The following NSMCE2 variants were observed in gnomAD, a reference collection of about 807,000 sequenced individuals.
NSMCE2 encodes the protein E3 SUMO-protein ligase NSE2.
In NSMCE2, 24 loss-of-function variants were observed where a neutral mutation model predicts 23.8. That is an observed-to-expected ratio of 1.01 (90% confidence interval 0.73 to 1.42). NSMCE2 has a LOEUF of 1.42. Ranked by LOEUF, NSMCE2 falls within the 40% of genes most tolerant of loss-of-function variation. NSMCE2 has a pLI of 0.00. For synonymous variants in NSMCE2, 92 were observed against 94.1 expected (o/e 0.98, Z 0.13); for missense variants, 284 against 296.5 (o/e 0.96, Z 0.31).
chr8:125,206,883 G>A (rs1824139110), intron 5 of NSMCE2, among the ~76,000 whole-genome samples: 1 of 150,502 alleles, frequency 6.6e-6, no homozygotes, highest in Non-Finnish European at 1.5e-5. Flanking sequence ...AGGGAAGAGA[G>A]AGCCTAGGGA....
rs1821620287 is a variant in NSMCE2, at chr8:125,161,382, G to A, written c.264+10105G>A. On this transcript the variant is annotated intron_variant, in intron 4 of 7. Coordinates refer to ENST00000287437, the MANE Select transcript of NSMCE2 (RefSeq NM_173685.4). ...ATCTTGGGTTAGAGTAATGCAGTCA[G>A]TTATGAATAGTTTTAAATTTAATGA... Among the ~76,000 whole-genome samples the A allele has an allele frequency of 2.6e-5, 4 of 152,268 alleles. No homozygotes were observed. In the South Asian group the frequency reaches 8.3e-4, roughly 32 times the overall value.
rs905062048 is a variant in NSMCE2, at chr8:125,268,467, G to C, written c.418+86211G>C. On this transcript the variant is annotated intron_variant, in intron 5 of 7. Transcript: ENST00000287437. ...TAACAACAACAACAACAAGCAAAAA[G>C]AACTATTTGGAGAATAAAGGAAAAG... Among the ~76,000 whole-genome samples, 4 of 152,100 alleles carry C rather than the reference G, an allele frequency of 2.6e-5. 1 individual carries two copies. In the South Asian group the frequency reaches 8.3e-4, roughly 32 times the overall value.
chr8:125,272,302 C>T (rs1827236155), intron 5 of NSMCE2, among the ~76,000 whole-genome samples: 1 of 152,020 alleles, frequency 6.6e-6, no homozygotes, highest in African/African-American at 2.4e-5. Flanking sequence ...GCTTGAGCCA[C>T]CGCGCCCGGC....
chr8:125,127,512 G>A (rs183855324), intron 3 of NSMCE2, among the ~76,000 whole-genome samples: 139 of 152,306 alleles, frequency 9.1e-4, no homozygotes, highest in African/African-American at 3.3e-3. Flanking sequence ...TAAAATAGGC[G>A]TTTAAACCAG....
At chr8:125,347,998 T>C (rs1812850079) in intron 5 of NSMCE2, among the ~76,000 whole-genome samples, 1 of 152,206 alleles carries the variant, frequency 6.6e-6, no homozygotes, top group African/African-American at 2.4e-5. Flanking sequence ...ATCAGCTCCT[T>C]AGAGAGGCTG....
At chr8:125,354,880 A>T (rs372138507) in intron 5 of NSMCE2, among the ~76,000 whole-genome samples, 8 of 152,182 alleles carry the variant, frequency 5.3e-5, no homozygotes, top group East Asian at 1.9e-4. Flanking sequence ...AATGCTCCAA[A>T]ATCCAAAACT....
chr8:125,333,095 C>G (rs1829936449), intron 5 of NSMCE2, among the ~76,000 whole-genome samples: 1 of 152,134 alleles, frequency 6.6e-6, no homozygotes, highest in Non-Finnish European at 1.5e-5. Flanking sequence ...ATAAAGGTGT[C>G]TTGGTCCCCA....
chr8:125,114,122 A>G (rs1425605127), intron 3 of NSMCE2, among the ~76,000 whole-genome samples: 1 of 152,126 alleles, frequency 6.6e-6, no homozygotes, highest in Non-Finnish European at 1.5e-5. Flanking sequence ...TGAAATTTAG[A>G]ATTGCAGCAT....
At chr8:125,110,759 GTTGTTTTT>G in intron 3 of NSMCE2, among the ~76,000 whole-genome samples, 1 of 58,130 alleles carries the variant, frequency 1.7e-5, no homozygotes, top group African/African-American at 7.3e-5. Flanking sequence ...TTTGGTTGTT[GTTGTTTTT>G]TTTTTTTTTT....
At chr8:125,201,067 G>A (rs899934160) in intron 5 of NSMCE2, among the ~76,000 whole-genome samples, 3 of 152,046 alleles carry the variant, frequency 2.0e-5, no homozygotes, top group South Asian at 2.1e-4. Context: ...TTAGTCATTC[G>A]TCTAACCTTT....
intron 5 of NSMCE2, among the ~76,000 whole-genome samples, chr8:125,328,316 TATA>T (rs761093119): frequency 5.3e-5 from 8 of 152,300 alleles, no homozygotes; most frequent in Non-Finnish European, 1.0e-4. Flanking sequence ...TGGAGCTAAG[TATA>T]ATAACTGTAG....
intron 5 of NSMCE2, among the ~76,000 whole-genome samples, chr8:125,262,780 A>G (rs1010390682): frequency 6.6e-6 from 1 of 152,064 alleles, no homozygotes; most frequent in South Asian, 2.1e-4. Context: ...CTGCAGTGGT[A>G]TTGCTCACTC....
chr8:125,256,682 T>G (rs1438433619), intron 5 of NSMCE2, among the ~76,000 whole-genome samples: 1 of 151,820 alleles, frequency 6.6e-6, no homozygotes, highest in Non-Finnish European at 1.5e-5. Context: ...TCCCAGCACT[T>G]TGGGAGGCCG....
At chr8:125,171,363 T>C (rs1586559209) in intron 4 of NSMCE2, among the ~76,000 whole-genome samples, 1 of 152,190 alleles carries the variant, frequency 6.6e-6, no homozygotes, top group East Asian at 1.9e-4. Flanking sequence ...CTAGGGTTAG[T>C]AGTATGTCAT....
At chr8:125,209,234 GA>G (rs1033894900) in intron 5 of NSMCE2, among the ~76,000 whole-genome samples, 3 of 151,760 alleles carry the variant, frequency 2.0e-5, no homozygotes, top group Non-Finnish European at 4.4e-5. Flanking sequence ...TGTATTGATT[GA>G]AAAAAAATAG....
At chr8:125,316,440 A>G (rs1829179768) in intron 5 of NSMCE2, among the ~76,000 whole-genome samples, 1 of 152,238 alleles carries the variant, frequency 6.6e-6, no homozygotes, top group South Asian at 2.1e-4. Flanking sequence ...TGTTTATGAC[A>G]CTACTGGCAG....
intron 5 of NSMCE2, among the ~76,000 whole-genome samples, chr8:125,219,288 G>A (rs1165005684): frequency 6.6e-6 from 1 of 152,160 alleles, no homozygotes; most frequent in African/African-American, 2.4e-5. Flanking sequence ...TTATCTGGCT[G>A]GATTCCTGTG....
chr8:125,305,483 G>A (rs1054057471), intron 5 of NSMCE2, among the ~76,000 whole-genome samples: 13 of 152,284 alleles, frequency 8.5e-5, no homozygotes, highest in East Asian at 7.7e-4. Context: ...TTCTGGAAGC[G>A]TTAAACTGTC....
intron 5 of NSMCE2, among the ~76,000 whole-genome samples, chr8:125,206,518 A>G (rs183622949): frequency 8.5e-5 from 13 of 152,312 alleles, no homozygotes; most frequent in Admixed American, 6.5e-4. Context: ...AAAGGAGAGA[A>G]TGAATGCAAG....
Sources: gnomAD v4.1 joint callset for allele counts (sites outside exome capture counted in the v4.1 genomes callset) on GRCh38, gnomAD v4.1.1 for gene constraint, MANE v1.5 for transcripts, NCBI Gene and HGNC (gene_info 2026-07-23, HGNC 2026-07-21) for gene names.